The following C2 variants were observed in gnomAD, a reference collection of about 807,000 sequenced individuals.
C2 encodes the protein complement C2, also known as C3/C5 convertase.
A neutral mutation model predicts 85.2 loss-of-function variants in C2; 64 were observed. The ratio of observed to expected loss-of-function variants is 0.75; its 90% CI spans 0.61 to 0.92. C2 has a LOEUF of 0.92. Ranked by LOEUF, C2 falls within the 40% of genes least tolerant of loss-of-function variation. The probability of loss-of-function intolerance (pLI) is 0.00; values close to 1 mark genes in which losing one functional copy is unlikely to be tolerated. For missense variants in C2, 820 were observed against 971.6 expected (o/e 0.84, Z 2.07); for synonymous variants, 311 against 370.8 (o/e 0.84, Z 1.85).
At chr6:31,934,710 T>A in intron 6 of C2, 1 of 1,189,600 alleles carries the variant, frequency 8.4e-7, no homozygotes. Context: ...TTGTGCAGGC[T>A]TTAAAATGTG....
chr6:31,928,010 C>A lies in C2; in HGVS notation c.102C>A (p.Thr34=). 6.2e-7 allele frequency: 1 copy of A among 1,614,212 alleles called. No individual in the cohort carries two copies. The highest frequency in any genetic ancestry group is 8.5e-7 in the Non-Finnish European group (1 of 1,180,030). ...CPQNVNISGG[T]FTLSHGWAPG... is the part of the protein sequence containing the mutation. ...AGAACGTGAATATCTCGGGTGGCAC[C>A]TTCACCCTCAGCCATGGCTGGGCTC... is the stretch of plus-strand genomic sequence containing the variant. Residue 34 remains threonine (T), a synonymous_variant, in exon 2 of 18, where the codon ACC becomes ACA. Transcript: ENST00000299367.
intron 7 of C2, 68 bp from the exon 8 acceptor site, chr6:31,937,251 G>A (rs1770496486): frequency 1.3e-6 from 2 of 1,498,436 alleles, no homozygotes; most frequent in Non-Finnish European, 9.3e-7. Flanking sequence ...GGGGAATAGA[G>A]TGATTCCCTA....
chr6:31,904,238 C>A lies in C2; in HGVS notation c.73+3099C>A, dbSNP rs1277414073. On this transcript the variant is annotated intron_variant, in intron 1 of 3. Coordinates refer to the C2 transcript ENST00000452202. The surrounding 1 kb of genome is among the most constrained non-coding windows in gnomAD (Gnocchi z 4.4). ...TGGCATGCAGTAGTTGCTGAGTAAA[C>A]AATAGCTCTGTTCTCCTTTTCCTAA... Among the ~76,000 whole-genome samples the A allele has an allele frequency of 1.3e-5, 2 of 152,020 alleles. No homozygotes were observed. Among genetic ancestry groups the A allele is most frequent in the African/African-American group, 4.8e-5 (2 of 41,344 alleles).
chr6:31,897,994 C>A, upstream of C2: 1 of 838,466 alleles, frequency 1.2e-6, no homozygotes, highest in Non-Finnish European at 1.5e-6. Context: ...GCTGTATTTC[C>A]TCTGGCCTGG....
chr6:31,913,600 G>A (rs1768275974), intron 1 of C2, among the ~76,000 whole-genome samples: 1 of 152,018 alleles, frequency 6.6e-6, no homozygotes. Flanking sequence ...AAAATAAAAC[G>A]AAGCAAAGAC....
chr6:31,934,416 A>G (rs1395763300), intron 6 of C2, 117 bp downstream of exon 6: 1 of 1,376,630 alleles, frequency 7.3e-7, no homozygotes, highest in African/African-American at 1.4e-5. Flanking sequence ...AAGTCTTCTC[A>G]GATTATACTC....
intron 1 of C2, among the ~76,000 whole-genome samples, chr6:31,910,420 C>T (rs1431392654): frequency 6.7e-6 from 1 of 150,276 alleles, no homozygotes; most frequent in African/African-American, 2.5e-5. Flanking sequence ...CTTGACCTCC[C>T]CAGGAACAGG....
chr6:31,926,135 C>T (rs1769243922), upstream of C2, among the ~76,000 whole-genome samples: 1 of 152,160 alleles, frequency 6.6e-6, no homozygotes, highest in Non-Finnish European at 1.5e-5. Context: ...GCAAGGGAAG[C>T]TAGGAAATAT....
At chr6:31,898,411 T>C (rs1426754161), upstream of C2, among the ~76,000 whole-genome samples, 3 of 152,208 alleles carry the variant, frequency 2.0e-5, no homozygotes, top group Non-Finnish European at 4.4e-5. Context: ...ATAAATGATA[T>C]ACACCAAGAT....
chr6:31,914,297 A>T (rs1209051191), intron 1 of C2, among the ~76,000 whole-genome samples: 1 of 151,538 alleles, frequency 6.6e-6, no homozygotes, highest in Non-Finnish European at 1.5e-5. Flanking sequence ...GTCACATAGA[A>T]ATCCTGCCTG....
At chr6:31,908,709 C>T (rs1295375415) in intron 1 of C2, among the ~76,000 whole-genome samples, 4 of 151,662 alleles carry the variant, frequency 2.6e-5, no homozygotes, top group Admixed American at 2.6e-4. Context: ...TCAGCAACCA[C>T]CACCCTAATC....
In C2 at chr6:31,902,375, C is replaced by A. The variant is rs565987328; in HGVS notation, c.73+1236C>A. On this transcript the variant is annotated intron_variant, in intron 1 of 3. Coordinates refer to the C2 transcript ENST00000452202. The stretch of plus-strand genomic sequence containing the variant: ...CATGGCGCTACTCGCTCCGCGTCCC[C>A]GCGCCCCGCCCGCGCCGCATCCCGC... Among the ~76,000 whole-genome samples, 947 of 151,990 alleles carry A rather than the reference C, an allele frequency of 6.2e-3. 8 individuals carry two copies. Among genetic ancestry groups the A allele is most frequent in the African/African-American group, 0.021 (891 of 41,484 alleles).
intron 3 of C2, among the ~76,000 whole-genome samples, chr6:31,929,368 G>A (rs1769535367): frequency 6.6e-6 from 1 of 152,196 alleles, no homozygotes; most frequent in East Asian, 1.9e-4. Context: ...TGTAAGACAA[G>A]GATAGTGAGT....
chr6:31,919,144 C>T (rs868443834), upstream of C2, among the ~76,000 whole-genome samples: 28 of 133,666 alleles, frequency 2.1e-4, no homozygotes, highest in South Asian at 7.0e-4. Flanking sequence ...CTTTTCTTTT[C>T]TTTTTTTTTT....
intron 1 of C2, among the ~76,000 whole-genome samples, chr6:31,912,096 T>C (rs1043629500): frequency 1.3e-5 from 2 of 152,152 alleles, no homozygotes; most frequent in Non-Finnish European, 2.9e-5. Flanking sequence ...TACAAGTTCC[T>C]GCTGATGCTG....
chr6:31,917,791 A>G (rs1458045635), upstream of C2, among the ~76,000 whole-genome samples: 2 of 151,950 alleles, frequency 1.3e-5, no homozygotes, highest in African/African-American at 4.8e-5. Context: ...TTGTAATCCC[A>G]GCTACTTGGG....
At position 31,943,611 on chromosome 6, in the gene C2, C is replaced by A; in HGVS notation, c.1568-33C>A. The A allele has an allele frequency of 6.2e-7, 1 of 1,612,296 alleles. No individual in the cohort carries two copies. On this transcript the variant is annotated intron_variant, in intron 12 of 17. Coordinates refer to ENST00000299367, the MANE Select transcript of C2 (RefSeq NM_000063.6). This position sits in a 1 kb window ranked among gnomAD's most constrained non-coding sequence, Gnocchi z 6.4. ...CCAGCCTCTGGCCCCTGCAGGAGCC[C>A]TGGTCTAGCCTAATCTAGTGTATCA... is the stretch of plus-strand genomic sequence containing the variant.
upstream of C2, among the ~76,000 whole-genome samples, chr6:31,916,610 C>T (rs535612798): frequency 6.7e-5 from 10 of 149,686 alleles, no homozygotes; most frequent in Admixed American, 2.7e-4. Context: ...CAGTGGAGTT[C>T]GATTCCCCCA....
At position 31,944,936 on chromosome 6, in the gene C2, C is replaced by T. The variant is rs1771248341; in HGVS notation, c.2030-44C>T. ...CAGCATGCATGCCAGAACACCAGTC[C>T]ACTGCCCTAGATGACACTGTCTCCT... On this transcript the variant is annotated intron_variant, in intron 16 of 17. Transcript: ENST00000299367. The surrounding 1 kb of genome is among the most constrained non-coding windows in gnomAD (Gnocchi z 5.1). 6.2e-7 allele frequency: 1 copy of T among 1,612,844 alleles called. No homozygotes were observed. The highest frequency in any genetic ancestry group is 8.5e-7 in the Non-Finnish European group (1 of 1,179,796).
Sources: gnomAD v4.1 joint callset for allele counts (sites outside exome capture counted in the v4.1 genomes callset) on GRCh38, gnomAD v4.1.1 for gene constraint, Gnocchi (gnomAD v3.1) non-coding constraint, MANE v1.5 for transcripts, NCBI Gene and HGNC (gene_info 2026-07-23, HGNC 2026-07-21) for gene names.